AQR: variants seen among roughly 807,000 people sequenced by gnomAD.
AQR encodes RNA helicase aquarius.
In AQR, 61 loss-of-function variants were observed where a neutral mutation model predicts 180.5. The observed-to-expected ratio is 0.34, with a 90% confidence interval of 0.28 to 0.42. The LOEUF is 0.42. Among genes scored for constraint, AQR ranks in the 10% least tolerant of loss-of-function variants. AQR has a pLI of 1.00. For missense variants in AQR, 1,281 were observed against 1,798.3 expected (o/e 0.71, Z 5.20); for synonymous variants, 551 against 588.8 (o/e 0.94, Z 0.93).
chr15:34,915,297 T>C, intron 15 of AQR, 118 bp from the exon 16 acceptor site: 4 of 1,008,220 alleles, frequency 4.0e-6, no homozygotes, highest in Non-Finnish European at 5.5e-6. Context: ...TTCAAGCCAT[T>C]CTCCTGCCTC....
chr15:34,873,592 T>A (rs577338262), intron 30 of AQR, among the ~76,000 whole-genome samples: 12 of 152,300 alleles, frequency 7.9e-5, no homozygotes, highest in African/African-American at 2.9e-4. Flanking sequence ...TAGGAAGACC[T>A]TTCTCACTCC....
At chr15:34,865,523 A>T (rs944057321) in intron 32 of AQR, among the ~76,000 whole-genome samples, 2 of 152,216 alleles carry the variant, frequency 1.3e-5, no homozygotes, top group Non-Finnish European at 2.9e-5. Context: ...TGCTAAATAC[A>T]GAGTTACCAT....
Position 34,854,866 on chromosome 15 carries a change from G to C in AQR, c.*1926C>G, listed in dbSNP as rs923761301. 2 of 152,180 alleles carry C rather than the reference G, an allele frequency of 1.3e-5. No individual in the cohort carries two copies. Among genetic ancestry groups the C allele is most frequent in the South Asian group, 4.1e-4 (2 of 4,830 alleles). The allele number at this position is 152,180 out of a possible 1,614,324, so 9.4% of individuals were successfully genotyped here. A position where few individuals can be genotyped will look rare whatever the true frequency, so the allele number is the denominator to read the frequency against. On this transcript the variant is annotated 3_prime_UTR_variant, in exon 35 of 35. Coordinates refer to ENST00000156471, the MANE Select transcript of AQR (RefSeq NM_014691.3). ...CATACCTCATATCCCCTAAGGGAGA[G>C]AGAAAAATCAATCTTTTCCAGGAAA... is the stretch of plus-strand genomic sequence containing the variant.
chr15:34,941,969 T>C (rs556452860), intron 7 of AQR, 43 bp downstream of exon 7: 50 of 1,510,332 alleles, frequency 3.3e-5, no homozygotes, highest in Non-Finnish European at 3.8e-5. Context: ...CACGTTCTAC[T>C]TATAACACAT....
At chr15:34,889,147 C>T (rs1893103974) in intron 24 of AQR, among the ~76,000 whole-genome samples, 1 of 152,256 alleles carries the variant, frequency 6.6e-6, no homozygotes. Context: ...GTCTAACCTA[C>T]CTTTGTAAGT....
intron 23 of AQR, among the ~76,000 whole-genome samples, chr15:34,890,541 T>C (rs1893128461): frequency 6.6e-6 from 1 of 152,210 alleles, no homozygotes; most frequent in South Asian, 2.1e-4. Flanking sequence ...CTATTAAACA[T>C]CTGCTTTTAA....
chr15:34,943,694 T>C (rs2140498359), intron 6 of AQR, among the ~76,000 whole-genome samples: 1 of 152,196 alleles, frequency 6.6e-6, no homozygotes, highest in Non-Finnish European at 1.5e-5. Context: ...AATAAATATG[T>C]GTATTTATCA....
intron 15 of AQR, among the ~76,000 whole-genome samples, chr15:34,916,452 AAT>A (rs1401066526): frequency 6.6e-6 from 1 of 152,070 alleles, no homozygotes; most frequent in African/African-American, 2.4e-5. Flanking sequence ...CAAAAAAAAA[AAT>A]AAACTTAAAT....
At chr15:34,880,706 T>C (rs904540511) in intron 27 of AQR, among the ~76,000 whole-genome samples, 6 of 152,066 alleles carry the variant, frequency 3.9e-5, no homozygotes, top group Non-Finnish European at 7.4e-5. Context: ...ATTGGGAGCA[T>C]TAAGGAAGGA....
intron 32 of AQR, among the ~76,000 whole-genome samples, chr15:34,863,840 A>G (rs1027799451): frequency 6.6e-6 from 1 of 152,204 alleles, no homozygotes; most frequent in Non-Finnish European, 1.5e-5. Context: ...TCACTATTAA[A>G]TAAAATGTGT....
intron 23 of AQR, among the ~76,000 whole-genome samples, chr15:34,891,043 T>C (rs1893138828): frequency 6.6e-6 from 1 of 152,144 alleles, no homozygotes; most frequent in Admixed American, 6.6e-5. Context: ...CATCTCACTT[T>C]CACTAGTCCA....
In AQR at chr15:34,942,096, A is replaced by G. The variant is rs1172003828; in HGVS notation, c.472-16T>C. The G allele has an allele frequency of 1.9e-6, 3 of 1,603,714 alleles. No individual in the cohort carries two copies. The highest frequency in any genetic ancestry group is 2.6e-6 in the Non-Finnish European group (3 of 1,172,492). ...AGTCTACTTCCTGTTTAGGGCATGA[A>G]GAAAATAAGTTTATAAACATACCAG... On this transcript the variant is annotated splice_polypyrimidine_tract_variant and intron_variant, in intron 6 of 34. Coordinates refer to ENST00000156471, the MANE Select transcript of AQR (RefSeq NM_014691.3).
At chr15:34,917,803 C>A (rs1400424961) in intron 15 of AQR, among the ~76,000 whole-genome samples, 1 of 139,044 alleles carries the variant, frequency 7.2e-6, no homozygotes, top group Non-Finnish European at 1.5e-5. Context: ...AGCAACATGG[C>A]GAGACCTTGT....
intron 31 of AQR, chr15:34,868,872 T>C (rs911127159): frequency 1.3e-5 from 2 of 152,220 alleles, no homozygotes; most frequent in Non-Finnish European, 2.9e-5. Context: ...TGAACAAATA[T>C]ACCACAGTTT....
chr15:34,942,144 T>G, intron 6 of AQR, 64 bp from the exon 7 acceptor site: 3 of 1,271,754 alleles, frequency 2.4e-6, no homozygotes, highest in Non-Finnish European at 3.4e-6. Context: ...AGTCTTTACA[T>G]AAGAAGTATA....
intron 33 of AQR, among the ~76,000 whole-genome samples, chr15:34,860,562 A>C (rs979316056): frequency 7.2e-5 from 11 of 152,226 alleles, no homozygotes; most frequent in African/African-American, 2.7e-4. Context: ...TAAAAGAATT[A>C]GTACAAGATA....
rs772242899 is a variant in AQR, at chr15:34,943,242, AT to A, written c.471+1045del. 2.1e-5 allele frequency: 33 copies of A among 1,609,174 alleles called. 1 individual carries two copies. Among genetic ancestry groups the A allele is most frequent in the African/African-American group, 1.1e-4 (8 of 74,832 alleles). ...TGGCTATGGTGGGCAAACTAAGCCAATTTTCTGGAAAAAGGCTAAAACTACA... is the reference window on the plus strand; with the variant it reads ...TGGCTATGGTGGGCAAACTAAGCCAATTTCTGGAAAAAGGCTAAAACTACA... On this transcript the variant is annotated intron_variant, in intron 6 of 34. Transcript: ENST00000156471.
At chr15:34,933,887 A>C (rs1270273111) in intron 10 of AQR, among the ~76,000 whole-genome samples, 1 of 152,188 alleles carries the variant, frequency 6.6e-6, no homozygotes, top group Non-Finnish European at 1.5e-5. Flanking sequence ...TTGGGAGGCC[A>C]AGGTGGAAGG....
intron 27 of AQR, among the ~76,000 whole-genome samples, chr15:34,878,125 C>T (rs903620167): frequency 6.6e-6 from 1 of 152,138 alleles, no homozygotes; most frequent in East Asian, 1.9e-4. Context: ...TGGCTCACAG[C>T]TGTAATCCCA....
Sources: gnomAD v4.1 joint callset for allele counts (sites outside exome capture counted in the v4.1 genomes callset) on GRCh38, gnomAD v4.1.1 for gene constraint, MANE v1.5 for transcripts, NCBI Gene and HGNC (gene_info 2026-07-23, HGNC 2026-07-21) for gene names.